PLCL2: variants seen among roughly 807,000 people sequenced by gnomAD.
PLCL2 encodes inactive phospholipase C-like protein 2.
Under a neutral mutation model 79.6 loss-of-function variants are expected in PLCL2, and 4 were observed. The observed-to-expected ratio is 0.05, with a 90% CI of 0.02 to 0.11. The LOEUF is 0.11. PLCL2 is among the 10% of genes least tolerant of loss of function. PLCL2 has a pLI of 1.00. For missense variants in PLCL2, 895 were observed against 1,291.0 expected (o/e 0.69, Z 4.70); for synonymous variants, 484 against 457.7 (o/e 1.06, Z -0.73).
At chr3:17,020,420 T>A (rs530584990) in intron 3 of PLCL2, among the ~76,000 whole-genome samples, 1 of 152,300 alleles carries the variant, frequency 6.6e-6, no homozygotes, top group African/African-American at 2.4e-5. Context: ...CATCTCTCTC[T>A]TACAGGCAGT....
chr3:16,968,262 G>T (rs1017440103), intron 1 of PLCL2, among the ~76,000 whole-genome samples: 5 of 151,868 alleles, frequency 3.3e-5, no homozygotes, highest in Admixed American at 2.6e-4. Flanking sequence ...GATCTTTTTT[G>T]GTTCCATACC....
chr3:17,071,927 AG>A (rs1347383384), intron 5 of PLCL2, among the ~76,000 whole-genome samples: 1 of 152,020 alleles, frequency 6.6e-6, no homozygotes, highest in Non-Finnish European at 1.5e-5. Context: ...CCTGGGTTCA[AG>A]TGATTCTCCT....
intron 3 of PLCL2, among the ~76,000 whole-genome samples, chr3:17,028,246 T>C (rs1023186968): frequency 1.3e-5 from 2 of 152,074 alleles, no homozygotes; most frequent in Admixed American, 1.3e-4. Context: ...GAGGAGGACT[T>C]TCTCTCAAAC....
At chr3:16,941,138 A>G (rs1184927238) in intron 1 of PLCL2, among the ~76,000 whole-genome samples, 2 of 151,994 alleles carry the variant, frequency 1.3e-5, no homozygotes, top group Admixed American at 6.6e-5. Flanking sequence ...TGTTCTCACC[A>G]CTTTGCCATC....
intron 1 of PLCL2, among the ~76,000 whole-genome samples, chr3:16,996,405 A>G (rs1263593212): frequency 6.6e-6 from 1 of 152,104 alleles, no homozygotes; most frequent in African/African-American, 2.4e-5. Context: ...CCAGCTGGAC[A>G]CCTGTAGGCA....
At chr3:17,020,448 C>A (rs1399120974) in intron 3 of PLCL2, among the ~76,000 whole-genome samples, 2 of 152,130 alleles carry the variant, frequency 1.3e-5, no homozygotes, top group Non-Finnish European at 2.9e-5. Flanking sequence ...TTCACATACA[C>A]AGCAAATGGG....
intron 1 of PLCL2, among the ~76,000 whole-genome samples, chr3:16,888,170 G>C (rs1171572700): frequency 1.3e-5 from 2 of 152,166 alleles, no homozygotes; most frequent in African/African-American, 4.8e-5. Context: ...AAGAAAGGGG[G>C]ACTATTGCTA....
Position 17,014,848 on chromosome 3 carries a change from C to G in PLCL2, c.2955C>G (p.Pro985=), listed in dbSNP as rs2064367155. The G allele has an allele frequency of 3.1e-6, 5 of 1,613,962 alleles. No individual in the cohort carries two copies. Among genetic ancestry groups the G allele is most frequent in the Middle Eastern group, 1.6e-4 (1 of 6,082 alleles). The change falls in exon 3 of 6, where the codon CCC becomes CCG. Residue 985 remains proline, a synonymous_variant. Coordinates refer to ENST00000615277, the MANE Select transcript of PLCL2 (RefSeq NM_001144382.2). The part of the protein sequence containing the change: ...LVVLNLSEQY[P]TMELQGIVPE... Reference sequence around the variant, plus strand: ...TCCTAAATCTCAGCGAGCAGTACCCCACAATGGAGCTGCAGGGAATTGTGC... The same window carrying G: ...TCCTAAATCTCAGCGAGCAGTACCCGACAATGGAGCTGCAGGGAATTGTGC...
At chr3:16,913,699 GTA>G (rs1042422701) in intron 1 of PLCL2, among the ~76,000 whole-genome samples, 11 of 151,978 alleles carry the variant, frequency 7.2e-5, no homozygotes, top group African/African-American at 2.4e-4. Context: ...ATATATTTAT[GTA>G]TGTGTATATA....
chr3:17,019,848 AATCAAG>A (rs1405887463), intron 3 of PLCL2, among the ~76,000 whole-genome samples: 2 of 152,320 alleles, frequency 1.3e-5, no homozygotes, highest in Admixed American at 6.5e-5. Context: ...CACTATTGAC[AATCAAG>A]ATCAAGATTG....
chr3:16,928,416 G>A (rs1324804165), intron 1 of PLCL2, among the ~76,000 whole-genome samples: 2 of 152,222 alleles, frequency 1.3e-5, no homozygotes. Flanking sequence ...GCAAGGGACT[G>A]TATGAGAGTC....
At chr3:16,921,083 G>C (rs1213134981) in intron 1 of PLCL2, among the ~76,000 whole-genome samples, 1 of 152,030 alleles carries the variant, frequency 6.6e-6, no homozygotes, top group African/African-American at 2.4e-5. Flanking sequence ...TTTATTTGTG[G>C]GCCTAGCTCA....
chr3:17,024,427 CAAACACTACTGGCAATAGTAT>C (rs2064491640), intron 3 of PLCL2, among the ~76,000 whole-genome samples: 1 of 152,122 alleles, frequency 6.6e-6, no homozygotes, highest in South Asian at 2.1e-4. Flanking sequence ...AAACGTGCAT[CAAACACTACTGGCAATAGTAT>C]AAAGCCCTTT....
At chr3:16,899,865 C>G (rs1399706409) in intron 1 of PLCL2, among the ~76,000 whole-genome samples, 1 of 120,856 alleles carries the variant, frequency 8.3e-6, no homozygotes, top group African/African-American at 3.1e-5. Flanking sequence ...TAACAAGAAA[C>G]TATCCTATTT....
chr3:16,965,553 T>C (rs2063798639), intron 1 of PLCL2, among the ~76,000 whole-genome samples: 2 of 150,958 alleles, frequency 1.3e-5, no homozygotes, highest in South Asian at 4.2e-4. Flanking sequence ...TCCAATTCTG[T>C]GAAGAAAGTC....
chr3:17,003,003 T>C (rs1156833385), intron 1 of PLCL2, among the ~76,000 whole-genome samples: 1 of 152,174 alleles, frequency 6.6e-6, no homozygotes, highest in Non-Finnish European at 1.5e-5. Flanking sequence ...TCATGCATAT[T>C]GTCCACTTTT....
At chr3:16,966,204 C>G (rs112629377) in intron 1 of PLCL2, among the ~76,000 whole-genome samples, 1 of 121,154 alleles carries the variant, frequency 8.3e-6, no homozygotes. Context: ...CAATACTGAA[C>G]TTATTGAGAG....
chr3:16,918,236 A>G (rs1697042635), intron 1 of PLCL2, among the ~76,000 whole-genome samples: 1 of 152,200 alleles, frequency 6.6e-6, no homozygotes, highest in Admixed American at 6.5e-5. Flanking sequence ...CATTTAAACC[A>G]GGAAGACAAA....
At chr3:16,957,925 T>C (rs570722857) in intron 1 of PLCL2, among the ~76,000 whole-genome samples, 14 of 152,352 alleles carry the variant, frequency 9.2e-5, no homozygotes, top group Non-Finnish European at 1.6e-4. Flanking sequence ...TGTGTGTCTC[T>C]GCACGTGAGA....
Sources: allele counts gnomAD v4.1 joint callset (sites outside exome capture counted in the v4.1 genomes callset), GRCh38; gene constraint gnomAD v4.1.1; transcripts MANE v1.5; gene names NCBI Gene and HGNC (gene_info 2026-07-23, HGNC 2026-07-21).